THRAP3: variants seen among roughly 807,000 people sequenced by gnomAD.
THRAP3 encodes the protein thyroid hormone receptor-associated protein 3.
THRAP3 carries 16 observed loss-of-function variants against 101.0 expected under a neutral mutation model. That is an observed-to-expected ratio of 0.16 (90% CI 0.11 to 0.24). The LOEUF is 0.24. Ranked by LOEUF, THRAP3 falls within the 10% of genes least tolerant of loss-of-function variation. The pLI is 1.00. For missense variants in THRAP3, 989 were observed against 1,202.7 expected (o/e 0.82, Z 2.63); for synonymous variants, 407 against 422.6 (o/e 0.96, Z 0.45).
intron 2 of THRAP3, among the ~76,000 whole-genome samples, chr1:36,277,478 G>A (rs1645675926): frequency 6.6e-6 from 1 of 151,940 alleles, no homozygotes; most frequent in Non-Finnish European, 1.5e-5. Flanking sequence ...GGGATTACAA[G>A]TGTGAACCAC....
At chr1:36,216,647 A>G in the THRAP3 span, among the ~76,000 whole-genome samples, 13 of 152,006 alleles carry the variant, frequency 8.6e-5, no homozygotes, top group Admixed American at 7.2e-4. Context: ...ATAGCTGAGC[A>G]TGGTGGTGCA....
At chr1:36,293,203 A>G (rs1336679617) in intron 7 of THRAP3, among the ~76,000 whole-genome samples, 3 of 151,542 alleles carry the variant, frequency 2.0e-5, no homozygotes, top group Non-Finnish European at 2.9e-5. Flanking sequence ...TGATTTTTGT[A>G]TTTTTAGTAG....
chr1:36,254,438 A>G (rs1456717070), intron 1 of THRAP3, among the ~76,000 whole-genome samples: 1 of 152,242 alleles, frequency 6.6e-6, no homozygotes, highest in African/African-American at 2.4e-5. Context: ...GGTAACATCA[A>G]CATCTGCTTT....
Position 36,282,585 on chromosome 1 carries a change from A to G in THRAP3, c.22A>G (p.Lys8Glu). Residue 8 changes from lysine to glutamate, a missense_variant, in exon 3 of 12, where the codon AAG becomes GAG. Lys to Glu is a moderately conservative substitution (Grantham distance 56). Coordinates refer to ENST00000354618, the MANE Select transcript of THRAP3 (RefSeq NM_005119.4). Reference protein sequence around the residue: MSKTNKSKSGSRSSRSRS... With the variant: MSKTNKSESGSRSSRSRS... ...AGAGATGTCAAAAACAAACAAATCC[A>G]AGTCTGGATCTCGCTCTTCTCGCTC... 6.2e-7 allele frequency: 1 copy of G among 1,614,052 alleles called. No homozygotes were observed. The highest frequency in any genetic ancestry group is 1.1e-5 in the South Asian group (1 of 91,074).
At chr1:36,236,639 G>C (rs1645092468) in intron 1 of THRAP3, among the ~76,000 whole-genome samples, 1 of 152,166 alleles carries the variant, frequency 6.6e-6, no homozygotes, top group Non-Finnish European at 1.5e-5. Flanking sequence ...TTCTGCCGGG[G>C]CCGGCTAGTA....
intron 2 of THRAP3, among the ~76,000 whole-genome samples, chr1:36,270,589 T>TTTTTTTTTTTTTTTTTG: frequency 6.7e-6 from 1 of 148,664 alleles, no homozygotes; most frequent in African/African-American, 2.5e-5. Context: ...TTTTTTTTTT[T>TTTTTTTTTTTTTTTTTG]TTTTTGAGAC....
At chr1:36,294,303 T>C in intron 8 of THRAP3, 2 of 874,664 alleles carry the variant, frequency 2.3e-6, no homozygotes, top group Non-Finnish European at 1.4e-6. Flanking sequence ...CAGAAAGACA[T>C]GCATGTCAGA....
intron 1 of THRAP3, among the ~76,000 whole-genome samples, chr1:36,235,003 G>A (rs1645069209): frequency 6.6e-6 from 1 of 151,838 alleles, no homozygotes; most frequent in Non-Finnish European, 1.5e-5. Flanking sequence ...TAGTAGATTC[G>A]GGGTTTCGCC....
chr1:36,304,218 G>C lies in THRAP3; in HGVS notation c.*201G>C, dbSNP rs1307113787. 3.0e-6 allele frequency: 2 copies of C among 669,770 alleles called. No homozygotes were observed. The highest frequency in any genetic ancestry group is 7.5e-5 in the Admixed American group (2 of 26,502). The allele number at this position is 669,770 out of a possible 1,614,324, so 41.5% of individuals were successfully genotyped here. A position where few individuals can be genotyped will look rare whatever the true frequency, so the allele number is the denominator to read the frequency against. ...AGGAGGCTGGCCATGGGGCCCAGGG[G>C]TCAGGCCCAGCTTTTGAGCAGAATA... On this transcript the variant is annotated 3_prime_UTR_variant, in exon 12 of 12. Coordinates refer to ENST00000354618, the MANE Select transcript of THRAP3 (RefSeq NM_005119.4).
the THRAP3 span, among the ~76,000 whole-genome samples, chr1:36,207,712 G>C: frequency 2.0e-5 from 3 of 152,308 alleles, no homozygotes; most frequent in East Asian, 5.8e-4. Flanking sequence ...AACCACCTGA[G>C]GCTCTGAACT....
chr1:36,212,864 G>C, the THRAP3 span, among the ~76,000 whole-genome samples: 2 of 152,220 alleles, frequency 1.3e-5, no homozygotes, highest in African/African-American at 4.8e-5. Flanking sequence ...ATGCAAGGCA[G>C]AGTCTGACAA....
rs41267279 is a variant in THRAP3 at position 36,303,969 on chromosome 1, G to C, written c.2820G>C (p.Gly940=). Residue 940 remains glycine, a synonymous_variant, in exon 12 of 12, where the codon GGG becomes GGC. Transcript: ENST00000354618. ...EEGEIEDDES[G]TENREEKDNI... The stretch of plus-strand genomic sequence containing the variant: ...GGGAGATTGAAGACGACGAGAGTGG[G>C]ACAGAGAACCGAGAAGAGAAGGACA... 1 of 1,606,866 alleles carries C rather than the reference G, an allele frequency of 6.2e-7. No individual in the cohort carries two copies. The highest frequency in any genetic ancestry group is 8.5e-7 in the Non-Finnish European group (1 of 1,176,742).
At chr1:36,227,223 A>C (rs1570214718) in intron 1 of THRAP3, among the ~76,000 whole-genome samples, 1 of 152,292 alleles carries the variant, frequency 6.6e-6, no homozygotes, top group South Asian at 2.1e-4. Context: ...TTCTGATGGT[A>C]GGAAGGATTG....
chr1:36,259,979 C>T (rs1172109213), intron 2 of THRAP3, among the ~76,000 whole-genome samples: 1 of 151,800 alleles, frequency 6.6e-6, no homozygotes, highest in Non-Finnish European at 1.5e-5. Context: ...GTGGTGGCTC[C>T]TGACTGTAAT....
chr1:36,220,953 CAAAA>C (rs1206488922), upstream of THRAP3, among the ~76,000 whole-genome samples: 10 of 44,398 alleles, frequency 2.3e-4, no homozygotes, highest in African/African-American at 1.3e-3. Context: ...GAGACTGTCT[CAAAA>C]AAAAAAAAAA....
chr1:36,237,906 C>T (rs1333818813), intron 1 of THRAP3, among the ~76,000 whole-genome samples: 2 of 152,196 alleles, frequency 1.3e-5, no homozygotes, highest in African/African-American at 2.4e-5. Context: ...ACTGTAGCCT[C>T]AAACTCCTGA....
intron 8 of THRAP3, among the ~76,000 whole-genome samples, chr1:36,295,298 A>G (rs113405472): frequency 6.7e-6 from 1 of 149,342 alleles, no homozygotes; most frequent in African/African-American, 2.5e-5. Flanking sequence ...TTTTTTTTTT[A>G]AAAGTTTAGT....
chr1:36,223,241 G>A (rs745878337), upstream of THRAP3, among the ~76,000 whole-genome samples: 26 of 152,228 alleles, frequency 1.7e-4, no homozygotes, highest in Non-Finnish European at 2.4e-4. Context: ...AGTAAGCCGT[G>A]TGCAAGGAAT....
intron 8 of THRAP3, among the ~76,000 whole-genome samples, chr1:36,296,122 C>T (rs767838440): frequency 6.7e-4 from 102 of 151,850 alleles, no homozygotes; most frequent in Admixed American, 1.1e-3. Context: ...TACAGGCACA[C>T]GCCACCTTGC....
Sources: gnomAD v4.1 joint callset for allele counts (sites outside exome capture counted in the v4.1 genomes callset) on GRCh38, gnomAD v4.1.1 for gene constraint, MANE v1.5 for transcripts, NCBI Gene and HGNC (gene_info 2026-07-23, HGNC 2026-07-21) for gene names.